KIRREL1: variants seen among roughly 807,000 people sequenced by gnomAD.
KIRREL1 encodes the protein kirre like nephrin family adhesion molecule 1, also known as kin of IRRE-like protein 1.
In KIRREL1, 25 loss-of-function variants were observed where a neutral mutation model predicts 83.3. The observed-to-expected ratio is 0.30, with a 90% CI of 0.22 to 0.42. The LOEUF (loss-of-function observed/expected upper bound fraction) is 0.42. Among genes scored for constraint, KIRREL1 ranks in the 10% least tolerant of loss-of-function variants. The pLI is 1.00. For missense variants in KIRREL1, 812 were observed against 1,032.3 expected (o/e 0.79, Z 2.92); for synonymous variants, 388 against 410.4 (o/e 0.95, Z 0.66).
chr1:158,036,995 A>G (rs1017672852), intron 1 of KIRREL1, among the ~76,000 whole-genome samples: 1 of 152,112 alleles, frequency 6.6e-6, no homozygotes, highest in Non-Finnish European at 1.5e-5. Context: ...CTGAGATGGG[A>G]CAGTCTCAGC....
At chr1:158,035,076 G>A (rs1012368782) in intron 1 of KIRREL1, among the ~76,000 whole-genome samples, 1 of 151,902 alleles carries the variant, frequency 6.6e-6, no homozygotes, top group Non-Finnish European at 1.5e-5. Context: ...CACCTCTTTG[G>A]GTATGTATTT....
chr1:158,002,156 A>AT (rs1659378252), intron 1 of KIRREL1, among the ~76,000 whole-genome samples: 1 of 152,210 alleles, frequency 6.6e-6, no homozygotes, highest in African/African-American at 2.4e-5. Flanking sequence ...AGGATGAGGA[A>AT]ATCTTTTCCT....
intron 1 of KIRREL1, among the ~76,000 whole-genome samples, chr1:158,030,549 G>C (rs758834540): frequency 4.6e-5 from 7 of 152,178 alleles, no homozygotes; most frequent in Non-Finnish European, 7.3e-5. Context: ...GCATATCTTA[G>C]CTTTGTGACC....
intron 10 of KIRREL1, among the ~76,000 whole-genome samples, chr1:158,090,363 A>T (rs1218870520): frequency 6.7e-6 from 1 of 148,780 alleles, no homozygotes; most frequent in Non-Finnish European, 1.5e-5. Context: ...TTGCCTTGCC[A>T]CTCTCCTCCC....
intron 1 of KIRREL1, among the ~76,000 whole-genome samples, chr1:158,032,663 T>A (rs1343370592): frequency 6.6e-6 from 1 of 152,192 alleles, no homozygotes; most frequent in African/African-American, 2.4e-5. Flanking sequence ...ACTCCAGGTG[T>A]GTCCCAGGCG....
intron 1 of KIRREL1, among the ~76,000 whole-genome samples, chr1:158,040,857 C>T (rs1425920550): frequency 1.3e-5 from 2 of 151,996 alleles, no homozygotes; most frequent in African/African-American, 4.8e-5. Flanking sequence ...CTTGGGTGAC[C>T]AGCTAAGGAT....
In KIRREL1 at chr1:158,084,744, A is replaced by G. The variant is rs566341223; in HGVS notation, c.510+165A>G. Among the ~76,000 whole-genome samples the G allele has an allele frequency of 2.3e-4, 35 of 152,374 alleles. 1 individual carries two copies. Among genetic ancestry groups the G allele is most frequent in the African/African-American group, 7.9e-4 (33 of 41,594 alleles). Reference sequence around the variant, plus strand: ...TCTACAGTTGGGAAAATTGAAACCCAGAGAAGAGAAATGAATTCCTAGGTT... The same window carrying G: ...TCTACAGTTGGGAAAATTGAAACCCGGAGAAGAGAAATGAATTCCTAGGTT... On this transcript the variant is annotated intron_variant, in intron 4 of 14. Coordinates refer to ENST00000359209, the MANE Select transcript of KIRREL1 (RefSeq NM_018240.7).
chr1:158,029,372 T>TGTGTGTGTGCGC (rs1190966368), intron 1 of KIRREL1, among the ~76,000 whole-genome samples: 1 of 149,396 alleles, frequency 6.7e-6, no homozygotes, highest in East Asian at 2.0e-4. Context: ...TGTGTGCACG[T>TGTGTGTGTGCGC]GCGCGCGCAT....
intron 1 of KIRREL1, among the ~76,000 whole-genome samples, chr1:158,071,743 A>G (rs971785661): frequency 1.3e-5 from 2 of 152,054 alleles, no homozygotes; most frequent in African/African-American, 4.8e-5. Flanking sequence ...CGGGATTGAA[A>G]TGTCATCCTC....
intron 2 of KIRREL1, 137 bp from the exon 3 acceptor site, chr1:158,077,854 G>A: frequency 2.1e-6 from 2 of 957,150 alleles, no homozygotes; most frequent in East Asian, 2.5e-5. Flanking sequence ...CGTGGCATCA[G>A]GTGTCTGTGT....
chr1:158,087,553 A>C (rs77138662), intron 5 of KIRREL1, among the ~76,000 whole-genome samples: 1,662 of 152,158 alleles, frequency 0.011, 33 homozygotes, highest in African/African-American at 0.038. Flanking sequence ...TGGTGCCTTC[A>C]TTGGTGGTCA....
At chr1:158,091,198 G>T (rs1476153012) in intron 10 of KIRREL1, among the ~76,000 whole-genome samples, 160 bp from the exon 11 acceptor site, 2 of 152,218 alleles carry the variant, frequency 1.3e-5, no homozygotes, top group African/African-American at 4.8e-5. Context: ...GAGGTAGCAG[G>T]TGTGACTTAG....
chr1:158,056,124 T>C (rs1047435788), intron 1 of KIRREL1, among the ~76,000 whole-genome samples: 2 of 152,022 alleles, frequency 1.3e-5, no homozygotes, highest in African/African-American at 4.8e-5. Context: ...TCGCCCCCCC[T>C]CATCCTGCCC....
At chr1:158,087,463 C>G (rs1662047520) in intron 5 of KIRREL1, among the ~76,000 whole-genome samples, 1 of 151,984 alleles carries the variant, frequency 6.6e-6, no homozygotes, top group African/African-American at 2.4e-5. Flanking sequence ...ACACCCCATC[C>G]TTTTTAGTGA....
At chr1:158,088,850 A>C (rs1662104271) in intron 8 of KIRREL1, among the ~76,000 whole-genome samples, 1 of 152,142 alleles carries the variant, frequency 6.6e-6, no homozygotes, top group Non-Finnish European at 1.5e-5. Context: ...GGGGGGCTGC[A>C]GCATTATCTT....
intron 5 of KIRREL1, among the ~76,000 whole-genome samples, chr1:158,087,392 G>A (rs941643096): frequency 2.6e-5 from 4 of 152,070 alleles, no homozygotes; most frequent in African/African-American, 4.8e-5. Context: ...CCTGGTAGGT[G>A]TGTAATAAAT....
Position 158,094,839 on chromosome 1 carries a change from C to A in KIRREL1, c.1993C>A (p.Pro665Thr). The change falls in exon 15 of 15, where the codon CCC becomes ACC. Residue 665 changes from proline to threonine, a missense_variant. Physicochemically the swap from Pro to Thr is conservative, Grantham distance 38. Around this residue, in one of 3 missense-constraint regions of KIRREL1, gnomAD observed 334 missense variants for 383.7 expected, o/e 0.87. Coordinates refer to ENST00000359209, the MANE Select transcript of KIRREL1 (RefSeq NM_018240.7). This position sits in a 1 kb window ranked among gnomAD's most constrained non-coding sequence, Gnocchi z 4.6. ...RGPASDYGPE[P>T]TPPGPAAPAG... ...CCCTGCCTCTGACTATGGCCCTGAG[C>A]CCACACCCCCTGGCCCTGCTGCCCC... 6.2e-7 allele frequency: 1 copy of A among 1,613,900 alleles called. No homozygotes were observed. The highest frequency in any genetic ancestry group is 8.5e-7 in the Non-Finnish European group (1 of 1,179,928).
intron 1 of KIRREL1, among the ~76,000 whole-genome samples, chr1:158,071,435 G>T (rs1262236341): frequency 6.6e-6 from 1 of 152,224 alleles, no homozygotes; most frequent in Non-Finnish European, 1.5e-5. Flanking sequence ...CACAATGACT[G>T]CTTAAGAGCT....
chr1:158,096,591 C>T lies in KIRREL1; in HGVS notation c.*1471C>T, dbSNP rs541230343. 6.1e-5 allele frequency: 28 copies of T among 456,928 alleles called. No individual in the cohort carries two copies. Among genetic ancestry groups the T allele is most frequent in the South Asian group, 1.2e-4 (8 of 64,570 alleles). The allele number at this position is 456,928 out of a possible 1,614,324, so 28.3% of individuals were successfully genotyped here. On this transcript the variant is annotated 3_prime_UTR_variant, in exon 15 of 15. Coordinates refer to ENST00000359209, the MANE Select transcript of KIRREL1 (RefSeq NM_018240.7). ...GCCCTGACAGAGAACTTGTGCTGAC[C>T]GGGAGAAGGTGGTGCGGAAGGGCAC...
Sources: allele counts gnomAD v4.1 joint callset (sites outside exome capture counted in the v4.1 genomes callset), GRCh38; gene constraint gnomAD v4.1.1; regional missense constraint gnomAD v4.1.1; non-coding constraint Gnocchi (gnomAD v3.1); transcripts MANE v1.5; gene names NCBI Gene and HGNC (gene_info 2026-07-23, HGNC 2026-07-21).